The following ARPC5 variants were observed in gnomAD, a reference collection of about 807,000 sequenced individuals.
The protein encoded by ARPC5 is actin related protein 2/3 complex subunit 5, also known as actin-related protein 2/3 complex subunit 5.
A neutral mutation model predicts 15.4 loss-of-function variants in ARPC5; 5 were observed. The observed-to-expected ratio is 0.32, with a 90% CI of 0.17 to 0.68. The LOEUF (loss-of-function observed/expected upper bound fraction) is 0.68, where lower values mean the gene tolerates loss of function less well. Ranked by LOEUF, ARPC5 falls within the 30% of genes least tolerant of loss-of-function variation. ARPC5 has a pLI of 0.71. For synonymous variants in ARPC5, 85 were observed against 72.2 expected (o/e 1.18, Z -0.90); for missense variants, 138 against 192.8 (o/e 0.72, Z 1.68).
intron 2 of ARPC5, chr1:183,631,748 A>C (rs1293331165): frequency 6.6e-6 from 1 of 152,242 alleles, no homozygotes; most frequent in East Asian, 1.9e-4. Context: ...ATATGAATTG[A>C]CTGTAGATAT....
At chr1:183,627,711 G>T in intron 3 of ARPC5, 117 bp from the exon 4 acceptor site, 1 of 795,380 alleles carries the variant, frequency 1.3e-6, no homozygotes, top group South Asian at 1.5e-5. Flanking sequence ...GAATTTATTA[G>T]TTAACAAATA....
chr1:183,623,240 T>C lies in ARPC5; in HGVS notation c.*4292A>G. On this transcript the variant is annotated 3_prime_UTR_variant, in exon 4 of 4. Coordinates refer to ENST00000359856, the MANE Select transcript of ARPC5 (RefSeq NM_005717.4). ...GTGGTGTGGATTCTAGGGAACTGTT[T>C]CAGAGAGAAATAAGAGATGTAAACA... is the stretch of plus-strand genomic sequence containing the variant. 1 of 632,586 alleles carries C rather than the reference T, an allele frequency of 1.6e-6. No homozygotes were observed. The highest frequency in any genetic ancestry group is 1.9e-5 in the South Asian group (1 of 51,526). 39.2% of individuals were successfully genotyped at this position (632,586 alleles called of 1,614,324 possible).
intron 3 of ARPC5, among the ~76,000 whole-genome samples, chr1:183,629,575 G>A (rs1014629045): frequency 2.6e-5 from 4 of 152,132 alleles, no homozygotes; most frequent in Non-Finnish European, 4.4e-5. Flanking sequence ...ATGTTATCCA[G>A]TTTTTTACCC....
chr1:183,629,846 C>T (rs929282271), intron 3 of ARPC5, among the ~76,000 whole-genome samples: 2 of 152,210 alleles, frequency 1.3e-5, no homozygotes, highest in African/African-American at 2.4e-5. Flanking sequence ...TTTTTTACCA[C>T]TCCAAGGAGG....
At position 183,621,083 on chromosome 1, in the gene ARPC5, GAT is replaced by G. The variant is rs1648920031; in HGVS notation, c.*6447_*6448del. ...TACATTAAGAGAAATGCAAATATAT[GAT>G]ACCATTTTTAAAACATCAGATTTGA... On this transcript the variant is annotated 3_prime_UTR_variant, in exon 4 of 4. Coordinates refer to ENST00000359856, the MANE Select transcript of ARPC5 (RefSeq NM_005717.4). 1 of 152,132 alleles carries G rather than the reference GAT, an allele frequency of 6.6e-6. No homozygotes were observed. Among genetic ancestry groups the G allele is most frequent in the South Asian group, 2.1e-4 (1 of 4,826 alleles). 9.4% of individuals were successfully genotyped at this position (152,132 alleles called of 1,614,324 possible). A position where few individuals can be genotyped will look rare whatever the true frequency, so the allele number is the denominator to read the frequency against.
intron 1 of ARPC5, 110 bp downstream of exon 1, chr1:183,635,407 G>C (rs970263545): frequency 7.7e-7 from 1 of 1,300,178 alleles, no homozygotes; most frequent in African/African-American, 1.5e-5. Context: ...GCCGCAGGTT[G>C]AGAGGGCAGC....
chr1:183,628,308 C>T (rs1204720712), intron 3 of ARPC5, among the ~76,000 whole-genome samples: 1 of 151,850 alleles, frequency 6.6e-6, no homozygotes, highest in African/African-American at 2.4e-5. Context: ...TCCCAACTTC[C>T]ACTTCGATTA....
chr1:183,623,713 A>T lies in ARPC5; in HGVS notation c.*3819T>A. On this transcript the variant is annotated 3_prime_UTR_variant, in exon 4 of 4. Coordinates refer to ENST00000359856, the MANE Select transcript of ARPC5 (RefSeq NM_005717.4). ...GATGTTAGTTGTAAATCTAAAGGAA[A>T]AATTGTGTATCTAAAAATTAATCAA... 1.8e-6 allele frequency: 1 copy of T among 570,586 alleles called. No homozygotes were observed. The highest frequency in any genetic ancestry group is 2.2e-5 in the South Asian group (1 of 45,042). The allele number at this position is 570,586 out of a possible 1,614,324, so 35.3% of individuals were successfully genotyped here. A position where few individuals can be genotyped will look rare whatever the true frequency, so the allele number is the denominator to read the frequency against.
chr1:183,628,608 G>T (rs1649178787), intron 3 of ARPC5, among the ~76,000 whole-genome samples: 1 of 152,204 alleles, frequency 6.6e-6, no homozygotes, highest in Non-Finnish European at 1.5e-5. Flanking sequence ...TGTATGAAAT[G>T]AGAGTTGTGC....
chr1:183,628,514 G>C (rs1356185081), intron 3 of ARPC5, among the ~76,000 whole-genome samples: 1 of 152,176 alleles, frequency 6.6e-6, no homozygotes, highest in Non-Finnish European at 1.5e-5. Flanking sequence ...TGTGCTAGAT[G>C]CTGGGGATAC....
rs1353414111 is a variant in ARPC5, at chr1:183,630,553, T to C, written c.301A>G (p.Asn101Asp). The part of the protein sequence containing the change: ...IEKAVQSLDK[N>D]GVDLLMKYIY... ...TACTTCATTAGGAGATCCACACCAT[T>C]CTTGTCCAGAGATTGAACTGCCTTT... is the stretch of plus-strand genomic sequence containing the variant. The change falls in exon 3 of 4, where the codon AAT becomes GAT. Residue 101 changes from asparagine to aspartate, a missense_variant. This residue lies in a region of ARPC5 where 121 missense variants were observed against 153.7 expected (regional missense o/e 0.79). Coordinates refer to ENST00000359856, the MANE Select transcript of ARPC5 (RefSeq NM_005717.4). 2.5e-6 allele frequency: 4 copies of C among 1,614,068 alleles called. No homozygotes were observed. The highest frequency in any genetic ancestry group is 3.4e-6 in the Non-Finnish European group (4 of 1,179,934).
chr1:183,632,309 A>G (rs936913466), intron 2 of ARPC5: 4 of 152,162 alleles, frequency 2.6e-5, no homozygotes, highest in African/African-American at 9.7e-5. Context: ...ATTTGGCAAT[A>G]CTGCATACCA....
chr1:183,626,637 AC>A lies in ARPC5; in HGVS notation c.*894del, dbSNP rs1172545374. ...GGGCATATTAAATGGTATCTTAAAT[AC>A]TAGTTGTATACCTCATAATGTCTAA... is the stretch of plus-strand genomic sequence containing the variant. On this transcript the variant is annotated 3_prime_UTR_variant, in exon 4 of 4. Coordinates refer to ENST00000359856, the MANE Select transcript of ARPC5 (RefSeq NM_005717.4). The A allele has an allele frequency of 6.5e-6, 1 of 152,708 alleles. No individual in the cohort carries two copies. Among genetic ancestry groups the A allele is most frequent in the Non-Finnish European group, 1.5e-5 (1 of 68,056 alleles). 9.5% of individuals were successfully genotyped at this position (152,708 alleles called of 1,614,324 possible).
chr1:183,631,608 CA>C (rs1296808741), intron 2 of ARPC5: 4 of 149,362 alleles, frequency 2.7e-5, no homozygotes, highest in African/African-American at 9.9e-5. Flanking sequence ...AAAAAATTCC[CA>C]ACAAAACAAG....
intron 3 of ARPC5, among the ~76,000 whole-genome samples, chr1:183,629,138 AC>A (rs1649193022): frequency 6.6e-6 from 1 of 152,262 alleles, no homozygotes; most frequent in Admixed American, 6.5e-5. Context: ...TTCCTCAGTG[AC>A]AAAAGAGGAA....
At chr1:183,634,914 C>CT (rs76444004) in intron 1 of ARPC5, among the ~76,000 whole-genome samples, 3,612 of 125,792 alleles carry the variant, frequency 0.029, 71 homozygotes, top group Non-Finnish European at 0.038. Context: ...TCTTCTTCTT[C>CT]TTTTTTTTTT....
chr1:183,635,259 G>A (rs1649433724), intron 1 of ARPC5, among the ~76,000 whole-genome samples: 1 of 152,256 alleles, frequency 6.6e-6, no homozygotes, highest in Admixed American at 6.5e-5. Context: ...GCAACCTGAG[G>A]AATCTGGGGG....
rs952088949 is a variant in ARPC5, at chr1:183,625,495, T to C, written c.*2037A>G. On this transcript the variant is annotated 3_prime_UTR_variant, in exon 4 of 4. Coordinates refer to ENST00000359856, the MANE Select transcript of ARPC5 (RefSeq NM_005717.4). ...GGATTTTATGAAAAAGCATTCAGTATCATTTGATTTTAAAGTTTGTAATTG... is the reference window on the plus strand; with the variant it reads ...GGATTTTATGAAAAAGCATTCAGTACCATTTGATTTTAAAGTTTGTAATTG... The C allele has an allele frequency of 6.6e-6, 1 of 152,216 alleles. No individual in the cohort carries two copies. The highest frequency in any genetic ancestry group is 1.5e-5 in the Non-Finnish European group (1 of 68,036). 9.4% of individuals were successfully genotyped at this position (152,216 alleles called of 1,614,324 possible).
In ARPC5 at chr1:183,624,165, T is replaced by G. The variant is rs1649017081; in HGVS notation, c.*3367A>C. 6.6e-6 allele frequency: 1 copy of G among 152,228 alleles called. No individual in the cohort carries two copies. The highest frequency in any genetic ancestry group is 1.5e-5 in the Non-Finnish European group (1 of 68,072). The allele number at this position is 152,228 out of a possible 1,614,324, so 9.4% of individuals were successfully genotyped here. A position where few individuals can be genotyped will look rare whatever the true frequency, so the allele number is the denominator to read the frequency against. On this transcript the variant is annotated 3_prime_UTR_variant, in exon 4 of 4. Coordinates refer to ENST00000359856, the MANE Select transcript of ARPC5 (RefSeq NM_005717.4). ...TTCTTGAATCTATCACGGAGATAGT[T>G]TCTGATCCTGTTAATAATTTGCACC... is the stretch of plus-strand genomic sequence containing the variant.
Sources: allele counts gnomAD v4.1 joint callset (sites outside exome capture counted in the v4.1 genomes callset), GRCh38; gene constraint gnomAD v4.1.1; regional missense constraint gnomAD v4.1.1; transcripts MANE v1.5; gene names NCBI Gene and HGNC (gene_info 2026-07-23, HGNC 2026-07-21).